The following IPO8 variants were observed in gnomAD, a reference collection of about 807,000 sequenced individuals.
IPO8 encodes importin-8.
In IPO8, 65 loss-of-function variants were observed where a neutral mutation model predicts 141.2. The observed-to-expected ratio is 0.46, with a 90% CI of 0.38 to 0.57. The LOEUF is 0.57. Among genes scored for constraint, IPO8 ranks in the 20% least tolerant of loss-of-function variants. IPO8 has a pLI of 0.00. For synonymous variants in IPO8, 411 were observed against 420.3 expected (o/e 0.98, Z 0.27); for missense variants, 980 against 1,246.8 (o/e 0.79, Z 3.22).
chr12:30,649,588 T>C (rs2136137338), intron 19 of IPO8, among the ~76,000 whole-genome samples: 1 of 152,284 alleles, frequency 6.6e-6, no homozygotes, highest in African/African-American at 2.4e-5. Flanking sequence ...CTGTTCCTTT[T>C]GAATCCTGGT....
intron 11 of IPO8, 148 bp downstream of exon 11, chr12:30,666,027 C>T: frequency 1.6e-6 from 1 of 640,574 alleles, no homozygotes; most frequent in South Asian, 2.4e-5. Flanking sequence ...ACCCCCTTTC[C>T]CCTCACCAGG....
intron 22 of IPO8, 82 bp from the exon 23 acceptor site, chr12:30,634,368 TA>T (rs1411305560): frequency 1.1e-5 from 12 of 1,128,296 alleles, no homozygotes; most frequent in Non-Finnish European, 1.4e-5. Flanking sequence ...CCAAAGACTA[TA>T]AAACTACACT....
intron 5 of IPO8, 128 bp from the exon 6 acceptor site, chr12:30,676,715 T>C (rs964517141): frequency 1.3e-6 from 1 of 782,762 alleles, no homozygotes; most frequent in Non-Finnish European, 2.1e-6. Context: ...CAATCTTGTA[T>C]GGTTCAACCT....
chr12:30,688,020 CCTT>C (rs146874116), intron 2 of IPO8, among the ~76,000 whole-genome samples: 1,545 of 152,188 alleles, frequency 0.01, 35 homozygotes, highest in East Asian at 0.083. Context: ...ACTACTCTCT[CCTT>C]CTCGTAGCAA....
intron 22 of IPO8, among the ~76,000 whole-genome samples, chr12:30,636,181 T>A (rs1414763067): frequency 6.6e-6 from 1 of 152,126 alleles, no homozygotes; most frequent in African/African-American, 2.4e-5. Context: ...CAAACTGGGA[T>A]GATGCCAGTT....
In IPO8 at chr12:30,630,566, C is replaced by T. The variant is rs115262921; in HGVS notation, c.*294G>A. ...AAAACCTGAGACGTGCAAGTCTATC[C>T]AATCCTCTAAAACAACCTTGGGCAT... On this transcript the variant is annotated 3_prime_UTR_variant, in exon 25 of 25. Coordinates refer to ENST00000256079, the MANE Select transcript of IPO8 (RefSeq NM_006390.4). The T allele has an allele frequency of 5.9e-4, 206 of 348,208 alleles. No individual in the cohort carries two copies. The highest frequency in any genetic ancestry group is 3.5e-3 in the African/African-American group (165 of 47,234). The allele number at this position is 348,208 out of a possible 1,614,324, so 21.6% of individuals were successfully genotyped here.
intron 17 of IPO8, among the ~76,000 whole-genome samples, chr12:30,656,160 C>T (rs1440849546): frequency 6.6e-6 from 1 of 152,226 alleles, no homozygotes; most frequent in Non-Finnish European, 1.5e-5. Context: ...CTTCAGCCTA[C>T]AGAGTAGCTG....
intron 16 of IPO8, among the ~76,000 whole-genome samples, chr12:30,657,002 T>C (rs935917673): frequency 1.3e-5 from 2 of 151,762 alleles, no homozygotes; most frequent in African/African-American, 2.4e-5. Context: ...AAATTCCTAA[T>C]AGATAAAAGA....
chr12:30,656,850 G>T, intron 16 of IPO8, 100 bp from the exon 17 acceptor site: 1 of 542,476 alleles, frequency 1.8e-6, no homozygotes, highest in Non-Finnish European at 3.1e-6. Context: ...TTTTGAGACG[G>T]TAACTTGACA....
intron 1 of IPO8, among the ~76,000 whole-genome samples, chr12:30,691,581 T>C (rs975499225): frequency 2.0e-5 from 3 of 152,180 alleles, no homozygotes; most frequent in Admixed American, 1.3e-4. Flanking sequence ...AGAGTCCACA[T>C]ATGCCTTTGT....
Position 30,669,313 on chromosome 12 carries a change from A to C in IPO8, c.1045-31T>G, listed in dbSNP as rs763844252. Reference sequence around the variant, plus strand: ...ATGAGAAAAAAAAAAAAACGTAACAAATGGGTATAGGCTATTCAAGTTTGA... The same window carrying C: ...ATGAGAAAAAAAAAAAAACGTAACACATGGGTATAGGCTATTCAAGTTTGA... On this transcript the variant is annotated intron_variant, in intron 9 of 24. Coordinates refer to ENST00000256079, the MANE Select transcript of IPO8 (RefSeq NM_006390.4). 8 of 1,058,206 alleles carry C rather than the reference A, an allele frequency of 7.6e-6. No homozygotes were observed. In the South Asian group the frequency reaches 8.0e-5, roughly 11 times the overall value. The allele number at this position is 1,058,206 out of a possible 1,614,324, so 65.6% of individuals were successfully genotyped here.
At position 30,647,603 on chromosome 12, in the gene IPO8, CAAAA is replaced by C. The variant is rs34098076; in HGVS notation, c.2268+1530_2268+1533del. 3.2e-4 allele frequency among the ~76,000 whole-genome samples: 13 copies of C among 40,786 alleles called. No individual in the cohort carries two copies. The East Asian group carries it at 6.5e-3, about 21-fold the overall frequency. 26.8% of individuals were successfully genotyped at this position (40,786 alleles called of 152,430 possible). On this transcript the variant is annotated intron_variant, in intron 20 of 24. Coordinates refer to ENST00000256079, the MANE Select transcript of IPO8 (RefSeq NM_006390.4). ...CCAGGTGATAGAATGAGACCGTCTC[CAAAA>C]AAAAAAAAAAAAAAAAAAGACACCA...
At chr12:30,665,416 G>A (rs1426487893) in intron 12 of IPO8, 107 bp from the exon 13 acceptor site, 1 of 720,616 alleles carries the variant, frequency 1.4e-6, no homozygotes, top group Non-Finnish European at 2.4e-6. Context: ...TTCTAATTTT[G>A]TAAAATTATT....
intron 2 of IPO8, among the ~76,000 whole-genome samples, chr12:30,684,911 C>A (rs1480452320): frequency 6.6e-6 from 1 of 151,970 alleles, no homozygotes; most frequent in Admixed American, 6.6e-5. Flanking sequence ...TTTCATCCAA[C>A]CTTTTTGAAA....
intron 23 of IPO8, among the ~76,000 whole-genome samples, chr12:30,632,948 T>C (rs2052453448): frequency 1.3e-5 from 2 of 152,224 alleles, no homozygotes; most frequent in East Asian, 1.9e-4. Flanking sequence ...TTAAAGTTGC[T>C]TGTCACTTGA....
rs373777178 is a variant in IPO8, at chr12:30,695,485, G to C, written c.84+79C>G. On this transcript the variant is annotated intron_variant, in intron 1 of 24. Transcript: ENST00000256079. This position sits in a 1 kb window ranked among gnomAD's most constrained non-coding sequence, Gnocchi z 4.2. ...AGCCCGGTGGGGGTGAGGACGAGGGGCGCCGGGGAGAGGGAGCCCGGCCAG... is the reference window on the plus strand; with the variant it reads ...AGCCCGGTGGGGGTGAGGACGAGGGCCGCCGGGGAGAGGGAGCCCGGCCAG... The C allele has an allele frequency of 1.5e-5, 19 of 1,281,364 alleles. No individual in the cohort carries two copies. The South Asian group carries it at 2.3e-4, about 16-fold the overall frequency. The allele number at this position is 1,281,364 out of a possible 1,614,324, so 79.4% of individuals were successfully genotyped here. A position where few individuals can be genotyped will look rare whatever the true frequency, so the allele number is the denominator to read the frequency against.
chr12:30,654,304 G>A (rs963357543), intron 17 of IPO8, among the ~76,000 whole-genome samples: 1 of 149,590 alleles, frequency 6.7e-6, no homozygotes, highest in Non-Finnish European at 1.5e-5. Flanking sequence ...CTGGTCCAGG[G>A]AATGATTTTT....
At chr12:30,686,360 T>G (rs2053242576) in intron 2 of IPO8, 2 of 152,160 alleles carry the variant, frequency 1.3e-5, no homozygotes, top group Non-Finnish European at 2.9e-5. Flanking sequence ...ATTTAGGGGT[T>G]TTTTTGAGAC....
intron 5 of IPO8, 27 bp downstream of exon 5, chr12:30,680,455 T>A (rs1011144621): frequency 3.2e-6 from 5 of 1,584,408 alleles, no homozygotes; most frequent in Non-Finnish European, 4.3e-6. Context: ...CAGGACTCCA[T>A]GTTTGTTTTC....
Sources: gnomAD v4.1 joint callset for allele counts (sites outside exome capture counted in the v4.1 genomes callset) on GRCh38, gnomAD v4.1.1 for gene constraint, Gnocchi (gnomAD v3.1) non-coding constraint, MANE v1.5 for transcripts, NCBI Gene and HGNC (gene_info 2026-07-23, HGNC 2026-07-21) for gene names.